The following RUBCNL variants were observed in gnomAD, a reference collection of about 807,000 sequenced individuals.
RUBCNL encodes rubicon like autophagy enhancer, also known as protein associated with UVRAG as autophagy enhancer.
Under a neutral mutation model 69.5 loss-of-function variants are expected in RUBCNL, and 62 were observed. That is an observed-to-expected ratio of 0.89 (90% CI 0.73 to 1.10). The LOEUF is 1.10. Ranked by LOEUF, RUBCNL falls within the 50% of genes least tolerant of loss-of-function variation. The probability of loss-of-function intolerance (pLI) is 0.00; values close to 1 mark genes in which losing one functional copy is unlikely to be tolerated. For missense variants in RUBCNL, 768 were observed against 798.1 expected (o/e 0.96, Z 0.45); for synonymous variants, 291 against 303.6 (o/e 0.96, Z 0.43).
upstream of RUBCNL, chr13:46,387,794 C>G (rs2049283276): frequency 1.0e-6 from 1 of 985,432 alleles, no homozygotes; most frequent in Non-Finnish European, 1.2e-6. Context: ...AGCAACTCGT[C>G]ACCTTGTCCT....
chr13:46,358,588 C>G (rs1405998589), intron 9 of RUBCNL, among the ~76,000 whole-genome samples: 1 of 152,196 alleles, frequency 6.6e-6, no homozygotes, highest in Non-Finnish European at 1.5e-5. Context: ...GAGTCTCGCT[C>G]TGTCACCCAA....
intron 10 of RUBCNL, among the ~76,000 whole-genome samples, chr13:46,356,207 A>G (rs1279180309): frequency 6.6e-6 from 1 of 152,192 alleles, no homozygotes. Context: ...CTGATGCCCA[A>G]CAGGGAGAGA....
rs548013193 is a variant in RUBCNL, at chr13:46,337,736, G to A, written c.*5649C>T. On this transcript the variant is annotated 3_prime_UTR_variant, in exon 15 of 15. Coordinates refer to ENST00000429979, the MANE Select transcript of RUBCNL (RefSeq NM_025113.5). ...CATCTTATGTTAGTCAGAGTAGGGTGGGTTACACTGTAGGAACCAGCCCCA... is the reference window on the plus strand; with the variant it reads ...CATCTTATGTTAGTCAGAGTAGGGTAGGTTACACTGTAGGAACCAGCCCCA... Among the ~76,000 whole-genome samples the A allele has an allele frequency of 3.9e-5, 6 of 152,254 alleles. No individual in the cohort carries two copies. Among genetic ancestry groups the A allele is most frequent in the Admixed American group, 1.3e-4 (2 of 15,296 alleles).
At chr13:46,346,352 T>C (rs1300031545) in intron 12 of RUBCNL, among the ~76,000 whole-genome samples, 1 of 152,126 alleles carries the variant, frequency 6.6e-6, no homozygotes, top group South Asian at 2.1e-4. Context: ...TTGCTCCACC[T>C]TACTCTTCAA....
intron 10 of RUBCNL, 45 bp from the exon 11 acceptor site, chr13:46,350,396 A>G: frequency 7.1e-7 from 1 of 1,403,804 alleles, no homozygotes; most frequent in Non-Finnish European, 9.7e-7. Context: ...GGTGCTGAAA[A>G]CCTATCCTGG....
chr13:46,387,936 G>A (rs966461448), upstream of RUBCNL: 24 of 821,234 alleles, frequency 2.9e-5, no homozygotes, highest in African/African-American at 4.1e-4. Flanking sequence ...GGCCGGGTGC[G>A]GTGGTTCAAG....
Position 46,340,792 on chromosome 13 carries a change from GC to G in RUBCNL, c.*2592del, listed in dbSNP as rs2048136667. ...GAGGTGCCAGGCTTCATAACAACCA[GC>G]TCTCATGGGAACTAAGAGTGAGAAC... On this transcript the variant is annotated 3_prime_UTR_variant, in exon 15 of 15. Coordinates refer to ENST00000429979, the MANE Select transcript of RUBCNL (RefSeq NM_025113.5). 2.0e-5 allele frequency among the ~76,000 whole-genome samples: 3 copies of G among 152,132 alleles called. No homozygotes were observed. In the South Asian group the frequency reaches 6.2e-4, roughly 31 times the overall value.
chr13:46,387,520 G>T (rs913765097), upstream of RUBCNL: 1 of 985,658 alleles, frequency 1.0e-6, no homozygotes, highest in Non-Finnish European at 1.2e-6. Flanking sequence ...TACCCGCGGC[G>T]CGAGACGCAA....
chr13:46,387,584 C>T (rs1055841647), upstream of RUBCNL: 1 of 985,102 alleles, frequency 1.0e-6, no homozygotes, highest in African/African-American at 1.7e-5. Flanking sequence ...ACCCCAGATG[C>T]CCCCAGCAGC....
At chr13:46,361,720 A>T in intron 7 of RUBCNL, 147 bp from the exon 8 acceptor site, 1 of 714,036 alleles carries the variant, frequency 1.4e-6, no homozygotes, top group Non-Finnish European at 2.3e-6. Context: ...CTCACCAGGC[A>T]TCTTACTCAA....
intron 7 of RUBCNL, among the ~76,000 whole-genome samples, chr13:46,362,042 A>G (rs2048623296): frequency 6.6e-6 from 1 of 151,710 alleles, no homozygotes; most frequent in East Asian, 1.9e-4. Flanking sequence ...CCTGGTCAAC[A>G]TAGTGAAACC....
At chr13:46,367,767 T>C (rs139713809) in intron 5 of RUBCNL, among the ~76,000 whole-genome samples, 1 of 152,304 alleles carries the variant, frequency 6.6e-6, no homozygotes, top group East Asian at 1.9e-4. Context: ...AGTAGGATGA[T>C]GAACTCCCAC....
intron 10 of RUBCNL, 29 bp downstream of exon 10, chr13:46,356,403 T>TA: frequency 6.2e-7 from 1 of 1,610,572 alleles, no homozygotes; most frequent in East Asian, 2.2e-5. Flanking sequence ...CATCACATCA[T>TA]AAGCAGGCGA....
intron 4 of RUBCNL, 75 bp downstream of exon 4, chr13:46,368,658 T>G: frequency 7.1e-7 from 1 of 1,402,602 alleles, no homozygotes; most frequent in Non-Finnish European, 9.8e-7. Flanking sequence ...AATTGAAGTT[T>G]CCAGATTTAA....
rs2048143474 is a variant in RUBCNL at position 46,341,635 on chromosome 13, C to T, written c.*1750G>A. Among the ~76,000 whole-genome samples, 1 of 152,220 alleles carries T rather than the reference C, an allele frequency of 6.6e-6. No individual in the cohort carries two copies. Among genetic ancestry groups the T allele is most frequent in the South Asian group, 2.1e-4 (1 of 4,832 alleles). On this transcript the variant is annotated 3_prime_UTR_variant, in exon 15 of 15. Coordinates refer to ENST00000429979, the MANE Select transcript of RUBCNL (RefSeq NM_025113.5). Reference sequence around the variant, plus strand: ...TGAGCACAGAGCCCTTCAAGCAATGCTTGAGCCATAGCAGCTGCCTTAAAT... The same window carrying T: ...TGAGCACAGAGCCCTTCAAGCAATGTTTGAGCCATAGCAGCTGCCTTAAAT...
intron 1 of RUBCNL, among the ~76,000 whole-genome samples, chr13:46,385,697 T>C (rs569362579): frequency 5.3e-5 from 8 of 150,116 alleles, no homozygotes; most frequent in Non-Finnish European, 1.0e-4. Flanking sequence ...AAACGTTTAC[T>C]CTTGGATGTT....
chr13:46,361,730 A>T (rs1179207717), intron 7 of RUBCNL, among the ~76,000 whole-genome samples, 157 bp from the exon 8 acceptor site: 1 of 152,190 alleles, frequency 6.6e-6, no homozygotes, highest in Non-Finnish European at 1.5e-5. Flanking sequence ...ATCTTACTCA[A>T]CATGGCTCCT....
chr13:46,363,054 T>G, intron 6 of RUBCNL, 61 bp downstream of exon 6: 1 of 888,536 alleles, frequency 1.1e-6, no homozygotes, highest in South Asian at 1.6e-5. Flanking sequence ...CATGTTAGTG[T>G]GTGTATGCGG....
chr13:46,358,154 T>C (rs1405745629), intron 9 of RUBCNL, among the ~76,000 whole-genome samples: 3 of 152,016 alleles, frequency 2.0e-5, no homozygotes, highest in African/African-American at 7.3e-5. Flanking sequence ...AGACAGGGAG[T>C]TCTGCCCAAG....
Sources: allele counts gnomAD v4.1 joint callset (sites outside exome capture counted in the v4.1 genomes callset), GRCh38; gene constraint gnomAD v4.1.1; transcripts MANE v1.5; gene names NCBI Gene and HGNC (gene_info 2026-07-23, HGNC 2026-07-21).